The following DCLK1 variants were observed in gnomAD, a reference collection of about 807,000 sequenced individuals.
The protein encoded by DCLK1 is doublecortin like kinase 1.
Under a neutral mutation model 86.2 loss-of-function variants are expected in DCLK1, and 16 were observed. The observed-to-expected ratio is 0.19, with a 90% CI of 0.13 to 0.28. DCLK1 has a LOEUF of 0.28. Ranked by LOEUF, DCLK1 falls within the 10% of genes least tolerant of loss-of-function variation. DCLK1 has a pLI of 1.00. For missense variants in DCLK1, 590 were observed against 940.2 expected (o/e 0.63, Z 4.87); for synonymous variants, 369 against 370.5 (o/e 1.00, Z 0.05).
intron 11 of DCLK1, among the ~76,000 whole-genome samples, chr13:35,815,475 A>G (rs2087246519): frequency 6.6e-6 from 1 of 152,226 alleles, no homozygotes. Flanking sequence ...ACGTTGGCTA[A>G]TGAATTATTA....
chr13:35,830,372 CAG>C (rs1868858744), intron 8 of DCLK1, among the ~76,000 whole-genome samples: 1 of 152,124 alleles, frequency 6.6e-6, no homozygotes, highest in Non-Finnish European at 1.5e-5. Context: ...GCCTGGGCGA[CAG>C]AGAAATTTAA....
intron 4 of DCLK1, among the ~76,000 whole-genome samples, chr13:35,937,498 C>T (rs1566611101): frequency 6.6e-6 from 1 of 152,130 alleles, no homozygotes; most frequent in Non-Finnish European, 1.5e-5. Context: ...GGACTCACCA[C>T]ATGCTACATT....
intron 4 of DCLK1, among the ~76,000 whole-genome samples, chr13:35,930,410 T>C (rs1876364595): frequency 6.6e-6 from 1 of 152,232 alleles, no homozygotes; most frequent in South Asian, 2.1e-4. Context: ...AAACAATCTG[T>C]TGTCTTCCTC....
At chr13:35,839,712 C>T (rs909019943) in intron 6 of DCLK1, among the ~76,000 whole-genome samples, 1 of 152,088 alleles carries the variant, frequency 6.6e-6, no homozygotes, top group Non-Finnish European at 1.5e-5. Context: ...AAAACATAAG[C>T]ACTGAGTAGG....
intron 1 of DCLK1, among the ~76,000 whole-genome samples, 195 bp from the exon 2 acceptor site, chr13:36,126,351 T>C (rs1459325021): frequency 6.6e-6 from 1 of 152,142 alleles, no homozygotes; most frequent in African/African-American, 2.4e-5. Flanking sequence ...TGCATCAATC[T>C]CCCAGAGTAT....
chr13:35,866,086 G>A (rs1871767908), intron 5 of DCLK1, among the ~76,000 whole-genome samples: 2 of 152,096 alleles, frequency 1.3e-5, no homozygotes, highest in African/African-American at 4.8e-5. Context: ...TGCCAGCCCC[G>A]AGTTGCCATT....
chr13:36,120,029 C>T (rs569014005), intron 2 of DCLK1, among the ~76,000 whole-genome samples: 22 of 152,174 alleles, frequency 1.4e-4, no homozygotes, highest in African/African-American at 5.3e-4. Context: ...AGAAATGAAG[C>T]AAATAGCCTG....
intron 6 of DCLK1, chr13:35,847,879 T>C (rs1431837694): frequency 1.0e-6 from 1 of 985,174 alleles, no homozygotes; most frequent in African/African-American, 1.7e-5. Context: ...ACAGAAACTG[T>C]CTAGATTTTT....
At chr13:35,927,973 C>A (rs1253725655) in intron 4 of DCLK1, among the ~76,000 whole-genome samples, 1 of 152,190 alleles carries the variant, frequency 6.6e-6, no homozygotes, top group Non-Finnish European at 1.5e-5. Context: ...AGAGGACCTG[C>A]AAGCTCCACT....
chr13:35,860,937 A>T (rs74965174), intron 5 of DCLK1, among the ~76,000 whole-genome samples: 2,410 of 152,294 alleles, frequency 0.016, 67 homozygotes, highest in African/African-American at 0.055. Context: ...AGAGGAATAA[A>T]GGGATGAGGT....
chr13:35,976,890 T>C (rs893095832), intron 3 of DCLK1, among the ~76,000 whole-genome samples: 1 of 152,152 alleles, frequency 6.6e-6, no homozygotes, highest in Non-Finnish European at 1.5e-5. Flanking sequence ...AGTTACACTT[T>C]CAGTCACACA....
intron 7 of DCLK1, among the ~76,000 whole-genome samples, chr13:35,838,810 C>T (rs896775167): frequency 6.6e-6 from 1 of 152,048 alleles, no homozygotes; most frequent in African/African-American, 2.4e-5. Flanking sequence ...CCCAGCGATC[C>T]CCTCTTATTT....
At chr13:36,098,971 A>AT (rs34423920) in intron 3 of DCLK1, among the ~76,000 whole-genome samples, 3,014 of 144,726 alleles carry the variant, frequency 0.021, 40 homozygotes, top group African/African-American at 0.052. Flanking sequence ...TATTATTTGG[A>AT]TTTTTTTTTT....
chr13:35,959,695 A>G (rs1460008496), intron 3 of DCLK1, among the ~76,000 whole-genome samples: 1 of 152,172 alleles, frequency 6.6e-6, no homozygotes, highest in Non-Finnish European at 1.5e-5. Flanking sequence ...CATGGTTAAC[A>G]TGTGCAGAGC....
intron 4 of DCLK1, among the ~76,000 whole-genome samples, chr13:35,940,439 T>G (rs1877024212): frequency 6.6e-6 from 1 of 152,122 alleles, no homozygotes; most frequent in African/African-American, 2.4e-5. Context: ...TGGATGGATT[T>G]TGTTAGCAGT....
chr13:35,805,454 G>A, intron 15 of DCLK1: 1 of 421,452 alleles, frequency 2.4e-6, no homozygotes, highest in South Asian at 4.4e-5. Context: ...GTGCCACTAT[G>A]CCCAGCTAAT....
At chr13:35,867,037 C>T (rs1871845950) in intron 5 of DCLK1, among the ~76,000 whole-genome samples, 2 of 152,102 alleles carry the variant, frequency 1.3e-5, no homozygotes, top group African/African-American at 4.8e-5. Context: ...CCTCTGGGCC[C>T]GGTTCCAGGG....
chr13:36,120,198 C>G (rs1387734071), intron 2 of DCLK1, among the ~76,000 whole-genome samples: 1 of 152,020 alleles, frequency 6.6e-6, no homozygotes, highest in East Asian at 1.9e-4. Flanking sequence ...GCATGAAAAT[C>G]AAGCTATAAA....
chr13:35,848,723 T>C, intron 6 of DCLK1: 1 of 985,350 alleles, frequency 1.0e-6, no homozygotes, highest in South Asian at 4.7e-5. Flanking sequence ...GAATTTATTT[T>C]TGTTCTGGAC....
Sources: gnomAD v4.1 joint callset for allele counts (sites outside exome capture counted in the v4.1 genomes callset) on GRCh38, gnomAD v4.1.1 for gene constraint, MANE v1.5 for transcripts, NCBI Gene and HGNC (gene_info 2026-07-23, HGNC 2026-07-21) for gene names.